The following EPHX4 variants were observed in gnomAD, a reference collection of about 807,000 sequenced individuals.
The protein encoded by EPHX4 is abhydrolase domain containing 7.
EPHX4 carries 31 observed loss-of-function variants against 44.9 expected under a neutral mutation model. The observed-to-expected ratio is 0.69, with a 90% confidence interval of 0.52 to 0.93. The LOEUF (loss-of-function observed/expected upper bound fraction) is 0.93. Ranked by LOEUF, EPHX4 falls within the 40% of genes least tolerant of loss-of-function variation. EPHX4 has a pLI of 0.00. For missense variants in EPHX4, 373 were observed against 438.1 expected (o/e 0.85, Z 1.33); for synonymous variants, 151 against 159.7 (o/e 0.95, Z 0.41).
intron 2 of EPHX4, among the ~76,000 whole-genome samples, chr1:92,040,472 T>C (rs1381846513): frequency 6.6e-6 from 1 of 151,868 alleles, no homozygotes. Context: ...ATTACAGGCA[T>C]GCACTGCCAT....
intron 5 of EPHX4, among the ~76,000 whole-genome samples, 159 bp from the exon 6 acceptor site, chr1:92,052,351 A>C (rs1483391307): frequency 6.6e-6 from 1 of 152,250 alleles, no homozygotes; most frequent in African/African-American, 2.4e-5. Flanking sequence ...AGAAATGCAT[A>C]GAATATATAT....
chr1:92,059,993 T>TTTTATA (rs1647460400), intron 6 of EPHX4, among the ~76,000 whole-genome samples: 1 of 151,472 alleles, frequency 6.6e-6, no homozygotes, highest in Non-Finnish European at 1.5e-5. Context: ...GGATAACAGG[T>TTTTATA]ATGAGCCACC....
intron 1 of EPHX4, among the ~76,000 whole-genome samples, 173 bp downstream of exon 1, chr1:92,030,483 T>TGTGTGTGTGTCTGTGTGTGTGA (rs745435867): frequency 7.2e-6 from 1 of 138,658 alleles, no homozygotes; most frequent in African/African-American, 2.7e-5. Context: ...TGTGTGTGTG[T>TGTGTGTGTGTCTGTGTGTGTGA]GTGAGAGAGA....
chr1:92,045,539 CA>C lies in EPHX4; in HGVS notation c.486del (p.Lys162AsnfsTer12). 1 of 1,613,886 alleles carries C rather than the reference CA, an allele frequency of 6.2e-7. No individual in the cohort carries two copies. Among genetic ancestry groups the C allele is most frequent in the Non-Finnish European group, 8.5e-7 (1 of 1,179,950 alleles). ...KDILDSLGYS[K>X]CVLIGHDWGG... The stretch of plus-strand genomic sequence containing the variant: ...TTTATTTCTTGTTTACAGGGTATAG[CA>C]AATGTGTTCTTATTGGCCATGACTG... On this transcript the variant is annotated frameshift_variant, in exon 4 of 7. Transcript: ENST00000370383. LOFTEE classifies it high-confidence loss of function.
chr1:92,061,752 T>C (rs889086052), intron 6 of EPHX4, among the ~76,000 whole-genome samples: 1 of 152,222 alleles, frequency 6.6e-6, no homozygotes, highest in Non-Finnish European at 1.5e-5. Flanking sequence ...CTTGGTATCA[T>C]TTAATGTGAA....
chr1:92,045,459 C>T (rs1433975730), intron 3 of EPHX4, 73 bp from the exon 4 acceptor site: 4 of 1,546,402 alleles, frequency 2.6e-6, no homozygotes, highest in Non-Finnish European at 3.5e-6. Flanking sequence ...AGAAGTATAA[C>T]TATTTTATGT....
chr1:92,055,150 G>A (rs1468293312), intron 6 of EPHX4, among the ~76,000 whole-genome samples: 1 of 152,040 alleles, frequency 6.6e-6, no homozygotes, highest in Admixed American at 6.6e-5. Context: ...GCAAAGCAGG[G>A]TAAATAGAAA....
intron 4 of EPHX4, among the ~76,000 whole-genome samples, chr1:92,048,103 T>C (rs908810875): frequency 6.6e-6 from 1 of 152,192 alleles, no homozygotes; most frequent in African/African-American, 2.4e-5. Flanking sequence ...TTCTATTTCT[T>C]CCTAAAAATT....
chr1:92,052,472 C>CAA, intron 5 of EPHX4, 38 bp from the exon 6 acceptor site: 1 of 1,543,750 alleles, frequency 6.5e-7, no homozygotes, highest in Admixed American at 2.1e-5. Flanking sequence ...TATTAGATAA[C>CAA]AAAAAAGTTT....
chr1:92,054,815 A>T (rs1647328550), intron 6 of EPHX4, among the ~76,000 whole-genome samples: 1 of 152,080 alleles, frequency 6.6e-6, no homozygotes, highest in Non-Finnish European at 1.5e-5. Context: ...TGGTCATTGA[A>T]ATCTAGAAGT....
intron 2 of EPHX4, among the ~76,000 whole-genome samples, chr1:92,033,342 TA>T (rs1269468127): frequency 6.6e-6 from 1 of 152,180 alleles, no homozygotes; most frequent in African/African-American, 2.4e-5. Context: ...TAAATTTATA[TA>T]TTTTTTTGAG....
At chr1:92,036,862 G>A (rs1383293301) in intron 2 of EPHX4, among the ~76,000 whole-genome samples, 2 of 151,934 alleles carry the variant, frequency 1.3e-5, no homozygotes, top group African/African-American at 4.8e-5. Flanking sequence ...CAAGACCCCT[G>A]TTGATGCTCA....
At chr1:92,055,217 A>G (rs940528433) in intron 6 of EPHX4, among the ~76,000 whole-genome samples, 1 of 152,212 alleles carries the variant, frequency 6.6e-6, no homozygotes, top group Non-Finnish European at 1.5e-5. Context: ...ACCAGCATTT[A>G]TATATTAATA....
chr1:92,031,102 C>A (rs1035113810), intron 1 of EPHX4, among the ~76,000 whole-genome samples: 1 of 152,134 alleles, frequency 6.6e-6, no homozygotes, highest in African/African-American at 2.4e-5. Flanking sequence ...TCCTTATTTC[C>A]TGTTAGGAGC....
intron 2 of EPHX4, among the ~76,000 whole-genome samples, chr1:92,036,163 T>A (rs1464469723): frequency 6.6e-6 from 1 of 152,212 alleles, no homozygotes. Flanking sequence ...AAAGCTATTT[T>A]CTTTCTCTAC....
intron 3 of EPHX4, among the ~76,000 whole-genome samples, chr1:92,044,126 T>C (rs1215554399): frequency 3.9e-5 from 6 of 152,118 alleles, no homozygotes; most frequent in Non-Finnish European, 7.4e-5. Flanking sequence ...ATGGAAGCAA[T>C]ATAGTGAGAA....
intron 2 of EPHX4, among the ~76,000 whole-genome samples, chr1:92,041,055 C>A (rs1365537041): frequency 6.6e-6 from 1 of 150,964 alleles, no homozygotes; most frequent in Non-Finnish European, 1.5e-5. Flanking sequence ...TCTTTTTTTT[C>A]TGTTGGTTAT....
At chr1:92,061,217 A>G (rs185710264) in intron 6 of EPHX4, among the ~76,000 whole-genome samples, 7 of 152,270 alleles carry the variant, frequency 4.6e-5, no homozygotes, top group Non-Finnish European at 7.4e-5. Context: ...AGTATAAAAT[A>G]CACTTTTCTA....
At position 92,030,213 on chromosome 1, in the gene EPHX4, A is replaced by AGGGGCCGGCGC; in HGVS notation, c.135_145dup (p.Gln49ArgfsTer19). The AGGGGCCGGCGC allele has an allele frequency of 6.2e-7, 1 of 1,606,648 alleles. No individual in the cohort carries two copies. Among genetic ancestry groups the AGGGGCCGGCGC allele is most frequent in the African/African-American group, 1.3e-5 (1 of 74,812 alleles). On this transcript the variant is annotated frameshift_variant, in exon 1 of 7. Transcript: ENST00000370383. LOFTEE classifies it high-confidence loss of function. ...CTCAAACTTTTGTGGAGCCTCGGCA[A>AGGGGCCGGCGC]GGGGCCGGCGCAGACCTTCCGGCGG...
Sources: allele counts gnomAD v4.1 joint callset (sites outside exome capture counted in the v4.1 genomes callset), GRCh38; gene constraint gnomAD v4.1.1; transcripts MANE v1.5; gene names NCBI Gene and HGNC (gene_info 2026-07-23, HGNC 2026-07-21).